Variants in PDE11A observed in about 807,000 individuals in gnomAD.
The protein encoded by PDE11A is dual 3',5'-cyclic-AMP and -GMP phosphodiesterase 11A.
In PDE11A, 100 loss-of-function variants were observed where a neutral mutation model predicts 100.5. That is an observed-to-expected ratio of 1.00 (90% CI 0.85 to 1.18). The LOEUF (loss-of-function observed/expected upper bound fraction) is 1.18, where lower values mean the gene tolerates loss of function less well. PDE11A is among the 50% of genes most tolerant of loss of function. The pLI, the probability that PDE11A is intolerant of heterozygous loss-of-function variation, is 0.00. For missense variants in PDE11A, 1,141 were observed against 1,152.6 expected (o/e 0.99, Z 0.15); for synonymous variants, 381 against 420.8 (o/e 0.91, Z 1.16).
At chr2:177,756,742 C>T (rs911007897) in intron 10 of PDE11A, among the ~76,000 whole-genome samples, 3 of 152,198 alleles carry the variant, frequency 2.0e-5, no homozygotes, top group African/African-American at 7.2e-5. Context: ...TGTTAGCGCC[C>T]ACAAACATGT....
intron 16 of PDE11A, among the ~76,000 whole-genome samples, chr2:177,680,546 TC>T (rs566569458): frequency 2.1e-3 from 324 of 152,148 alleles, no homozygotes; most frequent in Admixed American, 3.3e-3. Flanking sequence ...CACCCCCACT[TC>T]CCCAGGAAAC....
At chr2:177,948,129 T>C (rs1165457373) in intron 2 of PDE11A, among the ~76,000 whole-genome samples, 2 of 152,194 alleles carry the variant, frequency 1.3e-5, no homozygotes, top group African/African-American at 4.8e-5. Flanking sequence ...AAAATCCTTT[T>C]GTGTTATTTT....
chr2:178,066,212 G>T (rs542395385), intron 1 of PDE11A, among the ~76,000 whole-genome samples: 2 of 152,178 alleles, frequency 1.3e-5, no homozygotes, highest in African/African-American at 4.8e-5. Context: ...AATTTAATTA[G>T]GATGGTGCTG....
intron 18 of PDE11A, among the ~76,000 whole-genome samples, chr2:177,666,235 G>A (rs1368023442): frequency 3.3e-5 from 5 of 152,306 alleles, no homozygotes; most frequent in African/African-American, 1.2e-4. Context: ...CATGTAGCAT[G>A]CATCAGCACT....
At chr2:178,037,803 T>C (rs2086634862) in intron 1 of PDE11A, among the ~76,000 whole-genome samples, 1 of 151,952 alleles carries the variant, frequency 6.6e-6, no homozygotes, top group Non-Finnish European at 1.5e-5. Flanking sequence ...TTCTCACTCA[T>C]AAGTGGGAGT....
chr2:177,694,882 C>T (rs1441628658), intron 15 of PDE11A, among the ~76,000 whole-genome samples: 1 of 152,060 alleles, frequency 6.6e-6, no homozygotes, highest in Non-Finnish European at 1.5e-5. Flanking sequence ...GCTCCTACTA[C>T]TATTTTTAAA....
chr2:177,694,415 A>G (rs2081081575), intron 15 of PDE11A, among the ~76,000 whole-genome samples: 1 of 152,232 alleles, frequency 6.6e-6, no homozygotes. Flanking sequence ...TCCCAAATCA[A>G]GGAGCATTAA....
intron 19 of PDE11A, among the ~76,000 whole-genome samples, chr2:177,651,531 G>A (rs1337594060): frequency 2.0e-5 from 3 of 152,154 alleles, no homozygotes; most frequent in Non-Finnish European, 4.4e-5. Flanking sequence ...AGGATGGCGA[G>A]TCCTCAGTTT....
At chr2:178,056,130 T>C (rs1483811044) in intron 1 of PDE11A, among the ~76,000 whole-genome samples, 1 of 152,162 alleles carries the variant, frequency 6.6e-6, no homozygotes, top group Non-Finnish European at 1.5e-5. Context: ...GTGGCTGAAT[T>C]TTACAAATCA....
chr2:177,673,006 G>A (rs1295057531), intron 17 of PDE11A, among the ~76,000 whole-genome samples: 1 of 152,190 alleles, frequency 6.6e-6, no homozygotes, highest in Non-Finnish European at 1.5e-5. Flanking sequence ...ACTGAAGCCT[G>A]TTAGGCCCAA....
chr2:177,806,932 T>C (rs1486293387), intron 9 of PDE11A, among the ~76,000 whole-genome samples: 2 of 152,098 alleles, frequency 1.3e-5, no homozygotes, highest in East Asian at 1.9e-4. Context: ...TGTGGGCCAA[T>C]ATCATTTGAT....
intron 1 of PDE11A, among the ~76,000 whole-genome samples, chr2:178,017,403 A>G (rs996075437): frequency 2.6e-5 from 4 of 152,256 alleles, no homozygotes; most frequent in African/African-American, 9.6e-5. Context: ...CTGTATCAAC[A>G]TGAACAAATG....
intron 19 of PDE11A, among the ~76,000 whole-genome samples, chr2:177,639,326 G>T (rs2080104117): frequency 6.6e-6 from 1 of 152,148 alleles, no homozygotes; most frequent in African/African-American, 2.4e-5. Context: ...AGTAGTAGAG[G>T]TCCCTTATCA....
intron 6 of PDE11A, among the ~76,000 whole-genome samples, chr2:177,828,778 C>G (rs947321213): frequency 1.3e-5 from 2 of 152,092 alleles, no homozygotes; most frequent in African/African-American, 4.8e-5. Flanking sequence ...GATAGGGTGC[C>G]AGATGGTGTA....
intron 2 of PDE11A, among the ~76,000 whole-genome samples, chr2:177,932,595 T>C (rs1204700545): frequency 6.6e-6 from 1 of 151,950 alleles, no homozygotes; most frequent in Non-Finnish European, 1.5e-5. Flanking sequence ...AGGAAAAAGC[T>C]CTTGATAAAA....
At chr2:177,901,585 C>A (rs1459383332) in intron 3 of PDE11A, among the ~76,000 whole-genome samples, 1 of 152,092 alleles carries the variant, frequency 6.6e-6, no homozygotes, top group East Asian at 1.9e-4. Context: ...CTCCATGATC[C>A]CAAAGCAAAC....
chr2:178,050,268 A>G (rs917535158), intron 1 of PDE11A, among the ~76,000 whole-genome samples: 14 of 152,232 alleles, frequency 9.2e-5, no homozygotes, highest in South Asian at 2.1e-4. Context: ...GCAAACTCCA[A>G]CAGACCTGCA....
upstream of PDE11A, among the ~76,000 whole-genome samples, chr2:178,075,964 G>T (rs1174074975): frequency 6.6e-6 from 1 of 152,090 alleles, no homozygotes; most frequent in Admixed American, 6.5e-5. Context: ...GACCTCTTCT[G>T]CTTATCTGCT....
chr2:177,677,415 A>G (rs779396970), intron 16 of PDE11A, among the ~76,000 whole-genome samples: 1 of 152,224 alleles, frequency 6.6e-6, no homozygotes, highest in Non-Finnish European at 1.5e-5. Flanking sequence ...CTCTACTTCA[A>G]TGAATACAGT....
Sources: allele counts gnomAD v4.1 joint callset (sites outside exome capture counted in the v4.1 genomes callset), GRCh38; gene constraint gnomAD v4.1.1; transcripts MANE v1.5; gene names NCBI Gene and HGNC (gene_info 2026-07-23, HGNC 2026-07-21).